TOPBP1: variants seen among roughly 807,000 people sequenced by gnomAD.
The protein encoded by TOPBP1 is DNA topoisomerase 2-binding protein 1.
Under a neutral mutation model 167.7 loss-of-function variants are expected in TOPBP1, and 28 were observed. That is an observed-to-expected ratio of 0.17 (90% confidence interval 0.12 to 0.23). TOPBP1 has a LOEUF of 0.23. TOPBP1 is among the 10% of genes least tolerant of loss of function. TOPBP1 has a pLI of 1.00. For synonymous variants in TOPBP1, 598 were observed against 611.4 expected (o/e 0.98, Z 0.32); for missense variants, 1,554 against 1,809.6 (o/e 0.86, Z 2.56).
intron 27 of TOPBP1, 123 bp from the exon 28 acceptor site, chr3:133,601,516 G>A (rs771371226): frequency 1.2e-4 from 92 of 749,514 alleles, no homozygotes; most frequent in Middle Eastern, 4.2e-4. Flanking sequence ...AAAGGAAAAC[G>A]CATATTCATT....
intron 14 of TOPBP1, among the ~76,000 whole-genome samples, chr3:133,634,138 G>A (rs556346752): frequency 6.6e-6 from 1 of 152,286 alleles, no homozygotes; most frequent in East Asian, 1.9e-4. Flanking sequence ...AACCTACCAT[G>A]TATTGTGGAA....
At chr3:133,624,957 C>A (rs1935219338) in intron 16 of TOPBP1, among the ~76,000 whole-genome samples, 2 of 152,072 alleles carry the variant, frequency 1.3e-5, no homozygotes, top group African/African-American at 4.8e-5. Flanking sequence ...TCTCCCAATT[C>A]TTCCTATTCA....
chr3:133,658,643 T>C (rs938642320), intron 3 of TOPBP1, among the ~76,000 whole-genome samples: 3 of 151,906 alleles, frequency 2.0e-5, no homozygotes, highest in Non-Finnish European at 4.4e-5. Context: ...ACCCTTTCTC[T>C]ACTAAAAATA....
chr3:133,621,850 A>G (rs1935098249), intron 19 of TOPBP1, among the ~76,000 whole-genome samples: 1 of 152,240 alleles, frequency 6.6e-6, no homozygotes. Context: ...ATCCATGTAT[A>G]AGGTTATTCA....
At chr3:133,633,351 C>T (rs1935554713) in intron 14 of TOPBP1, among the ~76,000 whole-genome samples, 1 of 152,182 alleles carries the variant, frequency 6.6e-6, no homozygotes, top group Admixed American at 6.5e-5. Context: ...TTAGAGCAGT[C>T]CTGGACATAG....
chr3:133,655,834 C>T (rs1700776176), intron 5 of TOPBP1, among the ~76,000 whole-genome samples: 1 of 152,086 alleles, frequency 6.6e-6, no homozygotes, highest in African/African-American at 2.4e-5. Flanking sequence ...GATAAATGAA[C>T]TTTTTAATCT....
chr3:133,625,132 A>C (rs1028614973), intron 16 of TOPBP1, among the ~76,000 whole-genome samples: 6 of 152,106 alleles, frequency 3.9e-5, no homozygotes, highest in African/African-American at 1.4e-4. Flanking sequence ...ACACCCAGCT[A>C]ATTTTTGTAT....
At chr3:133,618,558 A>T (rs1205517615) in intron 20 of TOPBP1, 125 bp from the exon 21 acceptor site, 2 of 694,318 alleles carry the variant, frequency 2.9e-6, no homozygotes, top group African/African-American at 3.5e-5. Flanking sequence ...CACAGTATGC[A>T]TTAAAAATAT....
chr3:133,639,316 A>G (rs918662434), intron 13 of TOPBP1, among the ~76,000 whole-genome samples: 10 of 152,226 alleles, frequency 6.6e-5, no homozygotes, highest in Admixed American at 1.3e-4. Context: ...TTGTCGGGAC[A>G]TGGATGAAGC....
intron 21 of TOPBP1, 43 bp from the exon 22 acceptor site, chr3:133,617,369 G>C (rs752599026): frequency 1.3e-6 from 2 of 1,501,988 alleles, no homozygotes; most frequent in Non-Finnish European, 1.8e-6. Context: ...ATCCAAATAA[G>C]ACTAAAAACA....
At position 133,652,196 on chromosome 3, in the gene TOPBP1, T is replaced by C. The variant is rs182701951; in HGVS notation, c.1089+267A>G. On this transcript the variant is annotated intron_variant, in intron 8 of 27. Coordinates refer to ENST00000260810, the MANE Select transcript of TOPBP1 (RefSeq NM_007027.4). ...CTAAGTGCTCTCGAAATATAGCAGATGAAAAGATTAATGTAGTTAGGAGGG... is the reference window on the plus strand; with the variant it reads ...CTAAGTGCTCTCGAAATATAGCAGACGAAAAGATTAATGTAGTTAGGAGGG... Among the ~76,000 whole-genome samples, 24 of 151,778 alleles carry C rather than the reference T, an allele frequency of 1.6e-4. No homozygotes were observed. In the East Asian group the frequency reaches 4.6e-3, roughly 29 times the overall value.
intron 14 of TOPBP1, 36 bp from the exon 15 acceptor site, chr3:133,628,769 GAAGA>G: frequency 6.5e-7 from 1 of 1,542,912 alleles, no homozygotes; most frequent in Non-Finnish European, 8.8e-7. Flanking sequence ...ATGGAGAAAA[GAAGA>G]GAGAGAGAGA....
At chr3:133,631,516 T>C (rs1256706462) in intron 14 of TOPBP1, among the ~76,000 whole-genome samples, 1 of 152,194 alleles carries the variant, frequency 6.6e-6, no homozygotes, top group African/African-American at 2.4e-5. Context: ...TTTGATATGG[T>C]TTGGATTTGT....
chr3:133,660,746 T>C (rs1365691611), intron 2 of TOPBP1, among the ~76,000 whole-genome samples: 1 of 152,172 alleles, frequency 6.6e-6, no homozygotes, highest in Non-Finnish European at 1.5e-5. Flanking sequence ...CTCAAATTTC[T>C]ACAGCACGCA....
At chr3:133,639,446 C>T (rs1220444099) in intron 13 of TOPBP1, among the ~76,000 whole-genome samples, 5 of 151,754 alleles carry the variant, frequency 3.3e-5, no homozygotes, top group South Asian at 2.1e-4. Flanking sequence ...CGGGGCCTGT[C>T]GTAGGATGGG....
intron 8 of TOPBP1, among the ~76,000 whole-genome samples, chr3:133,651,171 CTTTTTTT>C (rs1176625452): frequency 3.5e-4 from 29 of 82,090 alleles, no homozygotes; most frequent in Admixed American, 7.1e-4. Flanking sequence ...CCGAATTTCC[CTTTTTTT>C]TTTTTTTTTT....
At chr3:133,615,038 A>G (rs1009628986) in intron 23 of TOPBP1, among the ~76,000 whole-genome samples, 3 of 151,844 alleles carry the variant, frequency 2.0e-5, no homozygotes, top group Admixed American at 2.0e-4. Context: ...AAAAAGAGAA[A>G]GTTTTTCCAA....
intron 21 of TOPBP1, 182 bp downstream of exon 21, chr3:133,618,028 CTGA>C (rs1167627980): frequency 1.1e-5 from 6 of 568,812 alleles, no homozygotes; most frequent in Non-Finnish European, 1.9e-5. Context: ...TTTCAATTTA[CTGA>C]TGAAGTACCT....
intron 14 of TOPBP1, among the ~76,000 whole-genome samples, chr3:133,629,299 A>G (rs1935382092): frequency 1.3e-5 from 2 of 152,228 alleles, no homozygotes; most frequent in Non-Finnish European, 2.9e-5. Flanking sequence ...TGTATGTATC[A>G]GAATGTATTT....
Sources: allele counts gnomAD v4.1 joint callset (sites outside exome capture counted in the v4.1 genomes callset), GRCh38; gene constraint gnomAD v4.1.1; transcripts MANE v1.5; gene names NCBI Gene and HGNC (gene_info 2026-07-23, HGNC 2026-07-21).